The following WDPCP variants were observed in gnomAD, a reference collection of about 807,000 sequenced individuals.
WDPCP encodes the protein WD repeat containing planar cell polarity effector, also known as WD repeat-containing and planar cell polarity effector protein fritz homolog.
Under a neutral mutation model 93.1 loss-of-function variants are expected in WDPCP, and 71 were observed. That is an observed-to-expected ratio of 0.76 (90% CI 0.63 to 0.93). The LOEUF (loss-of-function observed/expected upper bound fraction) is 0.93, where lower values mean the gene tolerates loss of function less well. Among genes scored for constraint, WDPCP ranks in the 40% least tolerant of loss-of-function variants. The pLI is 0.00. For missense variants in WDPCP, 844 were observed against 887.4 expected (o/e 0.95, Z 0.62); for synonymous variants, 315 against 315.0 (o/e 1.00, Z 0.00).
chr2:63,222,227 C>T (rs1440397969), intron 14 of WDPCP, among the ~76,000 whole-genome samples: 1 of 152,192 alleles, frequency 6.6e-6, no homozygotes, highest in Non-Finnish European at 1.5e-5. Flanking sequence ...GACTTAAGAA[C>T]ATCACCAGTT....
intron 13 of WDPCP, among the ~76,000 whole-genome samples, chr2:63,266,089 T>C (rs749562307): frequency 6.6e-6 from 1 of 152,038 alleles, no homozygotes; most frequent in Non-Finnish European, 1.5e-5. Flanking sequence ...TCCTCTAAGA[T>C]CAGAAATAAG....
chr2:63,334,041 A>G (rs1258911344), intron 12 of WDPCP, among the ~76,000 whole-genome samples: 3 of 152,202 alleles, frequency 2.0e-5, no homozygotes, highest in African/African-American at 7.2e-5. Flanking sequence ...CCTATTTTTG[A>G]GAAAACAAAA....
upstream of WDPCP, chr2:63,590,027 A>T (rs990687031): frequency 1.3e-5 from 2 of 154,170 alleles, no homozygotes; most frequent in Non-Finnish European, 2.9e-5. Flanking sequence ...TTTCAAGGCA[A>T]GGGCATTACT....
At chr2:63,354,989 G>A (rs1420550435) in intron 12 of WDPCP, among the ~76,000 whole-genome samples, 1 of 152,174 alleles carries the variant, frequency 6.6e-6, no homozygotes, top group Non-Finnish European at 1.5e-5. Context: ...TGAAAGGGAG[G>A]GGGAGAAAGC....
intron 12 of WDPCP, among the ~76,000 whole-genome samples, chr2:63,321,372 CAT>C (rs1424948638): frequency 6.7e-6 from 1 of 148,750 alleles, no homozygotes; most frequent in Non-Finnish European, 1.5e-5. Flanking sequence ...TGTGTATAGA[CAT>C]ATATATACAC....
chr2:63,342,013 A>G (rs1206331777), intron 12 of WDPCP, among the ~76,000 whole-genome samples: 1 of 152,084 alleles, frequency 6.6e-6, no homozygotes, highest in Non-Finnish European at 1.5e-5. Flanking sequence ...CAATTTTTCC[A>G]TGGATGGGGT....
chr2:63,708,403 C>A (rs146733789), intron 2 of WDPCP, among the ~76,000 whole-genome samples: 2 of 152,154 alleles, frequency 1.3e-5, no homozygotes, highest in African/African-American at 4.8e-5. Context: ...AGCAAGGCTC[C>A]GTGGGCATAG....
intron 9 of WDPCP, among the ~76,000 whole-genome samples, chr2:63,419,204 G>A (rs1040196116): frequency 2.0e-5 from 3 of 152,170 alleles, no homozygotes; most frequent in African/African-American, 7.2e-5. Flanking sequence ...GTGCAGTGCT[G>A]TGATCTTGGC....
chr2:63,188,589 C>T (rs1674810110), intron 14 of WDPCP, among the ~76,000 whole-genome samples: 1 of 151,966 alleles, frequency 6.6e-6, no homozygotes, highest in African/African-American at 2.4e-5. Context: ...CCTTCTCAGC[C>T]TCCCAAAGTG....
intron 17 of WDPCP, among the ~76,000 whole-genome samples, chr2:63,145,577 A>C (rs1462121444): frequency 6.6e-6 from 1 of 152,128 alleles, no homozygotes; most frequent in Non-Finnish European, 1.5e-5. Flanking sequence ...CTCCCATGCA[A>C]ACTGAAGGGC....
At chr2:63,583,435 A>G (rs1708621923) in intron 1 of WDPCP, among the ~76,000 whole-genome samples, 1 of 152,208 alleles carries the variant, frequency 6.6e-6, no homozygotes. Flanking sequence ...CTGTAATCCA[A>G]GCACTTTGGG....
At chr2:63,287,294 CTT>C (rs75306016) in intron 13 of WDPCP, among the ~76,000 whole-genome samples, 9 of 142,434 alleles carry the variant, frequency 6.3e-5, no homozygotes, top group African/African-American at 7.7e-5. Context: ...ACCATCCATT[CTT>C]TTTTTTTTTT....
intron 9 of WDPCP, among the ~76,000 whole-genome samples, chr2:63,424,445 G>C (rs1696107192): frequency 6.6e-6 from 1 of 152,140 alleles, no homozygotes. Context: ...TTGTCCACCA[G>C]CCCCTCCCAA....
At chr2:63,715,436 T>C (rs991811015) in intron 2 of WDPCP, among the ~76,000 whole-genome samples, 3 of 152,200 alleles carry the variant, frequency 2.0e-5, no homozygotes, top group African/African-American at 7.2e-5. Flanking sequence ...TTTGTACCAA[T>C]TCCTTACAAT....
At chr2:63,316,490 TA>T (rs900727675) in intron 12 of WDPCP, among the ~76,000 whole-genome samples, 74 of 151,610 alleles carry the variant, frequency 4.9e-4, no homozygotes, top group African/African-American at 1.7e-3. Flanking sequence ...CCACCTCTAC[TA>T]AAAATACAAA....
At chr2:63,405,244 T>C (rs1020925184) in intron 9 of WDPCP, among the ~76,000 whole-genome samples, 4 of 152,180 alleles carry the variant, frequency 2.6e-5, no homozygotes, top group Non-Finnish European at 5.9e-5. Flanking sequence ...AATATTTTAC[T>C]ATCAGAAAGG....
chr2:63,223,373 G>A (rs141125450), intron 14 of WDPCP, among the ~76,000 whole-genome samples: 2,208 of 152,152 alleles, frequency 0.015, 29 homozygotes, highest in Middle Eastern at 0.024. Context: ...TGAGAATCCC[G>A]AGATAGCATA....
intron 10 of WDPCP, among the ~76,000 whole-genome samples, chr2:63,402,312 G>T (rs1345260332): frequency 6.6e-6 from 1 of 152,088 alleles, no homozygotes; most frequent in Non-Finnish European, 1.5e-5. Context: ...ACAAGGGCCT[G>T]TTGGGGGTGG....
At chr2:63,528,305 G>A (rs565210980) in intron 1 of WDPCP, among the ~76,000 whole-genome samples, 1 of 152,178 alleles carries the variant, frequency 6.6e-6, no homozygotes, top group African/African-American at 2.4e-5. Context: ...CCTATGTCCT[G>A]AATGGTAATG....
Sources: allele counts gnomAD v4.1 joint callset (sites outside exome capture counted in the v4.1 genomes callset), GRCh38; gene constraint gnomAD v4.1.1; transcripts MANE v1.5; gene names NCBI Gene and HGNC (gene_info 2026-07-23, HGNC 2026-07-21).